IL22RA2: variants seen among roughly 807,000 people sequenced by gnomAD.
IL22RA2 encodes the protein interleukin 22 receptor subunit alpha 2.
IL22RA2 carries 39 observed loss-of-function variants against 30.7 expected under a neutral mutation model. That is an observed-to-expected ratio of 1.27 (90% CI 0.98 to 1.66). The LOEUF (loss-of-function observed/expected upper bound fraction) is 1.66. Ranked by LOEUF, IL22RA2 falls within the 40% of genes most tolerant of loss-of-function variation. IL22RA2 has a pLI of 0.00. For synonymous variants in IL22RA2, 103 were observed against 105.0 expected (o/e 0.98, Z 0.11); for missense variants, 315 against 312.7 (o/e 1.01, Z -0.05).
intron 5 of IL22RA2, among the ~76,000 whole-genome samples, chr6:137,151,106 T>C (rs749777746): frequency 1.3e-5 from 2 of 152,164 alleles, no homozygotes; most frequent in African/African-American, 2.4e-5. Context: ...GAACCCATAA[T>C]AGTCAAAACA....
At chr6:137,147,598 A>T in intron 6 of IL22RA2, 124 bp downstream of exon 6, 1 of 799,530 alleles carries the variant, frequency 1.3e-6, no homozygotes, top group Admixed American at 3.5e-5. Context: ...GAGTAAGAAG[A>T]AATTAAAGAT....
At chr6:137,154,508 G>A (rs1000547359) in intron 5 of IL22RA2, among the ~76,000 whole-genome samples, 28 of 152,190 alleles carry the variant, frequency 1.8e-4, no homozygotes, top group African/African-American at 6.7e-4. Context: ...CTAGCTACTC[G>A]GGAGGCAGAG....
chr6:137,156,081 T>G (rs1339705946), intron 4 of IL22RA2, among the ~76,000 whole-genome samples: 2 of 152,128 alleles, frequency 1.3e-5, no homozygotes, highest in African/African-American at 4.8e-5. Flanking sequence ...TATGGAGCCC[T>G]GTAATTAGGG....
chr6:137,153,445 ATTCACTGGTCTAGGATACAAGAAG>A (rs1333756237), intron 5 of IL22RA2, among the ~76,000 whole-genome samples: 2 of 152,168 alleles, frequency 1.3e-5, no homozygotes, highest in African/African-American at 4.8e-5. Context: ...CACAGACAGA[ATTCACTGGTCTAGGATACAAGAAG>A]TAGAAGTGGG....
At chr6:137,163,590 T>C (rs777237731) in intron 1 of IL22RA2, among the ~76,000 whole-genome samples, 1 of 152,096 alleles carries the variant, frequency 6.6e-6, no homozygotes, top group African/African-American at 2.4e-5. Flanking sequence ...CATAGACATA[T>C]GAACTGCAGT....
intron 6 of IL22RA2, 56 bp from the exon 7 acceptor site, chr6:137,145,829 T>C (rs1778168630): frequency 6.3e-7 from 1 of 1,593,722 alleles, no homozygotes; most frequent in Non-Finnish European, 8.6e-7. Flanking sequence ...AAGTCACAGC[T>C]GCATTTTTGT....
chr6:137,165,558 C>T (rs1044661343), intron 1 of IL22RA2, among the ~76,000 whole-genome samples: 12 of 152,132 alleles, frequency 7.9e-5, no homozygotes, highest in Admixed American at 2.0e-4. Flanking sequence ...GTCGTGGTTG[C>T]GGTCATGATA....
chr6:137,157,147 C>G (rs1019602448), intron 3 of IL22RA2, among the ~76,000 whole-genome samples: 2 of 152,136 alleles, frequency 1.3e-5, no homozygotes, highest in Non-Finnish European at 2.9e-5. Context: ...TGGGAGTCCT[C>G]TTTAGGAAAA....
Position 137,170,303 on chromosome 6 carries a change from CAAATTT to C in IL22RA2, c.-66+3104_-66+3109del, listed in dbSNP as rs568851282. ...CTATAACCTAAGAGTAGTAGTAATA[CAAATTT>C]TAAAATCCTTTTAAAGTTCCTGCAA... On this transcript the variant is annotated intron_variant, in intron 1 of 6. Coordinates refer to ENST00000296980, the MANE Select transcript of IL22RA2 (RefSeq NM_052962.3). 3.9e-4 allele frequency among the ~76,000 whole-genome samples: 60 copies of C among 152,230 alleles called. 1 individual carries two copies. Among genetic ancestry groups the C allele is most frequent in the Admixed American group, 3.5e-3 (54 of 15,286 alleles).
intron 1 of IL22RA2, among the ~76,000 whole-genome samples, chr6:137,164,747 G>A (rs978745938): frequency 6.6e-6 from 1 of 152,214 alleles, no homozygotes; most frequent in Non-Finnish European, 1.5e-5. Flanking sequence ...CCCAAGCAAT[G>A]CAGATGCCAC....
Position 137,145,775 on chromosome 6 carries a change from T to C in IL22RA2, c.643-2A>G. On this transcript the variant is annotated splice_acceptor_variant, in intron 6 of 6. Coordinates refer to ENST00000296980, the MANE Select transcript of IL22RA2 (RefSeq NM_052962.3). LOFTEE classifies it high-confidence loss of function. ...AGCCCCTTCATAAACCTTTTGCTCC[T>C]ACACACGAGAGAGAAAATAATCAGT... 6.2e-7 allele frequency: 1 copy of C among 1,613,692 alleles called. No homozygotes were observed. Among genetic ancestry groups the C allele is most frequent in the Non-Finnish European group, 8.5e-7 (1 of 1,179,850 alleles).
At position 137,144,475 on chromosome 6, in the gene IL22RA2, A is replaced by G. The variant is rs1778133443; in HGVS notation, c.*1149T>C. 1 of 152,260 alleles carries G rather than the reference A, an allele frequency of 6.6e-6. No homozygotes were observed. The highest frequency in any genetic ancestry group is 6.5e-5 in the Admixed American group (1 of 15,292). 9.4% of individuals were successfully genotyped at this position (152,260 alleles called of 1,614,324 possible). ...ACTAGAAAGACAACCTTAAACATATATGAAGACTTAGCCTCAAGTGAAGAA... is the reference window on the plus strand; with the variant it reads ...ACTAGAAAGACAACCTTAAACATATGTGAAGACTTAGCCTCAAGTGAAGAA... On this transcript the variant is annotated 3_prime_UTR_variant, in exon 7 of 7. Coordinates refer to ENST00000296980, the MANE Select transcript of IL22RA2 (RefSeq NM_052962.3).
At position 137,145,763 on chromosome 6, in the gene IL22RA2, A is replaced by G; in HGVS notation, c.653T>C (p.Val218Ala). 4.3e-6 allele frequency: 7 copies of G among 1,613,898 alleles called. No individual in the cohort carries two copies. In the South Asian group the frequency reaches 7.7e-5, roughly 18 times the overall value. Residue 218 changes from valine to alanine, a missense_variant, in exon 7 of 7, where the codon GTT becomes GCT. Coordinates refer to ENST00000296980, the MANE Select transcript of IL22RA2 (RefSeq NM_052962.3). Reference sequence around the variant, plus strand: ...AACCGCTCTGTGAGCCCCTTCATAAACCTTTTGCTCCTACACACGAGAGAG... The same window carrying G: ...AACCGCTCTGTGAGCCCCTTCATAAGCCTTTTGCTCCTACACACGAGAGAG... ...INNSLEKEQK[V>A]YEGAHRAVEI...
At position 137,147,850 on chromosome 6, in the gene IL22RA2, C is replaced by T. The variant is rs557085046; in HGVS notation, c.514G>A (p.Gly172Ser). ...PPVMNITQVN[G>S]SLLVILHAPN... ...GCATGGAGAATTACCAACAAAGAGCCATTGACTTGGGTTATATTCATGACT... is the reference window on the plus strand; with the variant it reads ...GCATGGAGAATTACCAACAAAGAGCTATTGACTTGGGTTATATTCATGACT... Residue 172 changes from glycine to serine, a missense_variant, in exon 6 of 7, where the codon GGC becomes AGC. Coordinates refer to ENST00000296980, the MANE Select transcript of IL22RA2 (RefSeq NM_052962.3). 2 of 1,612,670 alleles carry T rather than the reference C, an allele frequency of 1.2e-6. No individual in the cohort carries two copies. The highest frequency in any genetic ancestry group is 2.2e-5 in the South Asian group (2 of 90,788).
intron 3 of IL22RA2, among the ~76,000 whole-genome samples, 165 bp from the exon 4 acceptor site, chr6:137,157,019 G>A (rs79347913): frequency 6.6e-6 from 1 of 152,100 alleles, no homozygotes; most frequent in African/African-American, 2.4e-5. Flanking sequence ...AGCCATTCAT[G>A]AGTGCTCCAT....
At chr6:137,147,610 A>C in intron 6 of IL22RA2, 112 bp downstream of exon 6, 1 of 878,430 alleles carries the variant, frequency 1.1e-6, no homozygotes, top group Non-Finnish European at 1.6e-6. Flanking sequence ...ATTAAAGATA[A>C]GGAAAAGTAA....
chr6:137,158,169 A>G (rs1778447656), intron 3 of IL22RA2, among the ~76,000 whole-genome samples, 178 bp downstream of exon 3: 1 of 152,162 alleles, frequency 6.6e-6, no homozygotes. Flanking sequence ...GCATACCATC[A>G]TGCATTTTGA....
chr6:137,145,769 T>C lies in IL22RA2; in HGVS notation c.647A>G (p.Gln216Arg), dbSNP rs751442194. The C allele has an allele frequency of 6.2e-7, 1 of 1,613,972 alleles. No homozygotes were observed. Among genetic ancestry groups the C allele is most frequent in the Non-Finnish European group, 8.5e-7 (1 of 1,179,938 alleles). ...TCTGTGAGCCCCTTCATAAACCTTT[T>C]GCTCCTACACACGAGAGAGAAAATA... The part of the protein sequence containing the change: ...FIINNSLEKE[Q>R]KVYEGAHRAV... The change falls in exon 7 of 7, where the codon CAA (glutamine) becomes CGA (arginine). Residue 216 changes from glutamine (Q) to arginine (R), a missense_variant. Transcript: ENST00000296980.
rs942615425 is a variant in IL22RA2 at position 137,144,602 on chromosome 6, A to C, written c.*1022T>G. The C allele has an allele frequency of 2.0e-5, 3 of 152,416 alleles. No homozygotes were observed. Among genetic ancestry groups the C allele is most frequent in the African/African-American group, 7.2e-5 (3 of 41,560 alleles). The allele number at this position is 152,416 out of a possible 1,614,324, so 9.4% of individuals were successfully genotyped here. A position where few individuals can be genotyped will look rare whatever the true frequency, so the allele number is the denominator to read the frequency against. ...AGTTTGGAGGGCTTTGTCTAGCTCT[A>C]TAGTCTCTGTAGGCACCTACCAACA... On this transcript the variant is annotated 3_prime_UTR_variant, in exon 7 of 7. Transcript: ENST00000296980.
Sources: allele counts gnomAD v4.1 joint callset (sites outside exome capture counted in the v4.1 genomes callset), GRCh38; gene constraint gnomAD v4.1.1; transcripts MANE v1.5; gene names NCBI Gene and HGNC (gene_info 2026-07-23, HGNC 2026-07-21).